Variants in LY75 observed in about 807,000 individuals in gnomAD.
The protein encoded by LY75 is lymphocyte antigen 75, also known as C-type lectin domain family 13 member B.
In LY75, 185 loss-of-function variants were observed where a neutral mutation model predicts 231.7. The observed-to-expected ratio is 0.80, with a 90% confidence interval of 0.71 to 0.90. The LOEUF is 0.90. Among genes scored for constraint, LY75 ranks in the 40% least tolerant of loss-of-function variants. The probability of loss-of-function intolerance (pLI) is 0.00; values close to 1 mark genes in which losing one functional copy is unlikely to be tolerated. For missense variants in LY75, 1,947 were observed against 2,050.2 expected, an observed-to-expected ratio of 0.95 and a Z score of 0.97; for synonymous variants, 668 against 689.0, an observed-to-expected ratio of 0.97 and a Z score of 0.48.
At chr2:159,888,951 A>T (rs1685671722) in intron 4 of LY75, among the ~76,000 whole-genome samples, 1 of 152,226 alleles carries the variant, frequency 6.6e-6, no homozygotes, top group African/African-American at 2.4e-5. Context: ...GAGATAATGT[A>T]TAAAAAGCAT....
intron 27 of LY75, among the ~76,000 whole-genome samples, chr2:159,832,569 C>A (rs1683695979): frequency 1.3e-5 from 2 of 152,028 alleles, no homozygotes; most frequent in African/African-American, 4.8e-5. Context: ...AAAGGGTGTT[C>A]CTCACAAAAT....
Position 159,810,542 on chromosome 2 carries a change from T to C in LY75, c.4683A>G (p.Lys1561=). 6.2e-7 allele frequency: 1 copy of C among 1,611,476 alleles called. No individual in the cohort carries two copies. Among genetic ancestry groups the C allele is most frequent in the Non-Finnish European group, 8.5e-7 (1 of 1,179,134 alleles). Residue 1561 remains lysine (K), a synonymous_variant, in exon 32 of 35, where the codon AAA becomes AAG. Coordinates refer to ENST00000263636, the MANE Select transcript of LY75 (RefSeq NM_002349.4). ...QALHSFSEAK[K]LCSKHDHSAT... ...TTAACTCACCATGTTTTGAACACAATTTTTTGGCCTCTGAAAAACTGTGCA... is the reference window on the plus strand; with the variant it reads ...TTAACTCACCATGTTTTGAACACAACTTTTTGGCCTCTGAAAAACTGTGCA...
chr2:159,805,084 A>G lies in LY75; in HGVS notation c.5129T>C (p.Val1710Ala), dbSNP rs758903294. The G allele has an allele frequency of 3.1e-6, 5 of 1,613,936 alleles. No individual in the cohort carries two copies. The highest frequency in any genetic ancestry group is 2.7e-5 in the African/African-American group (2 of 74,926). The part of the protein sequence containing the change: ...GFSSVRYAQG[V>A]NEDEIMLPSF... ...AGGAAGCATAATCTCATCTTCATTC[A>G]CTCCTTGTGCATATCGAACTGATGA... Residue 1710 changes from valine to alanine, a missense_variant, in exon 35 of 35, where the codon GTG becomes GCG. Val to Ala is a moderately conservative substitution (Grantham distance 64). Transcript: ENST00000263636.
chr2:159,817,191 C>T (rs1311853295), intron 29 of LY75, 159 bp from the exon 30 acceptor site: 4 of 361,676 alleles, frequency 1.1e-5, no homozygotes, highest in Non-Finnish European at 1.5e-5. Context: ...TGGTATGACA[C>T]ATATCTTAGG....
chr2:159,839,746 C>T (rs1364873932), intron 25 of LY75, among the ~76,000 whole-genome samples: 1 of 152,024 alleles, frequency 6.6e-6, no homozygotes, highest in Non-Finnish European at 1.5e-5. Context: ...TGGCTCACAC[C>T]TCTAATCCCA....
chr2:159,817,622 C>A (rs1683159095), intron 29 of LY75, among the ~76,000 whole-genome samples: 1 of 151,872 alleles, frequency 6.6e-6, no homozygotes, highest in African/African-American at 2.4e-5. Flanking sequence ...TAACAATGAA[C>A]CTATACTAGG....
chr2:159,824,041 T>A (rs1282930235), intron 28 of LY75, among the ~76,000 whole-genome samples: 3 of 152,136 alleles, frequency 2.0e-5, no homozygotes, highest in African/African-American at 4.8e-5. Flanking sequence ...CTGCATCAAC[T>A]AACATGCAAA....
At chr2:159,865,016 G>C in intron 13 of LY75, 96 bp from the exon 14 acceptor site, 1 of 1,107,904 alleles carries the variant, frequency 9.0e-7, no homozygotes, top group East Asian at 2.8e-5. Flanking sequence ...GAAAAGCACA[G>C]TTTCAAGCAA....
intron 11 of LY75, among the ~76,000 whole-genome samples, chr2:159,877,015 A>C (rs1574583750): frequency 1.7e-5 from 1 of 57,728 alleles, no homozygotes. Flanking sequence ...ATCTCAAAAA[A>C]AAAAAAAAAA....
chr2:159,817,565 A>G (rs182290630), intron 29 of LY75, among the ~76,000 whole-genome samples: 2 of 152,356 alleles, frequency 1.3e-5, no homozygotes, highest in East Asian at 1.9e-4. Context: ...TAAGCAAAAT[A>G]TTACAGAATG....
rs1236079436 is a variant in LY75, at chr2:159,835,739, T to G, written c.3508-94A>C. On this transcript the variant is annotated intron_variant, in intron 25 of 34. Coordinates refer to ENST00000263636, the MANE Select transcript of LY75 (RefSeq NM_002349.4). ...ATGGTCAATCTAATGATTTTTAATT[T>G]TTTTAATATTTAATACACATTTACA... The G allele has an allele frequency of 2.7e-6, 4 of 1,464,234 alleles. No homozygotes were observed. The East Asian group carries it at 9.9e-5, about 36-fold the overall frequency. The allele number at this position is 1,464,234 out of a possible 1,614,324, so 90.7% of individuals were successfully genotyped here.
In LY75 at chr2:159,839,648, C is replaced by CTTGCTT. The variant is rs537609461; in HGVS notation, c.3507+1080_3507+1081insAAGCAA. Among the ~76,000 whole-genome samples the CTTGCTT allele has an allele frequency of 7.1e-4, 108 of 152,246 alleles. 1 individual carries two copies. The highest frequency in any genetic ancestry group is 2.5e-3 in the African/African-American group (104 of 41,544). Reference sequence around the variant, plus strand: ...TGAACTCCTGGGCTCAAGTTATCCTCTTGCCTCCAGAGTAAATGGGACTAC... The same window carrying CTTGCTT: ...TGAACTCCTGGGCTCAAGTTATCCTCTTGCTTTTGCCTCCAGAGTAAATGGGACTAC... On this transcript the variant is annotated intron_variant, in intron 25 of 34. Coordinates refer to ENST00000263636, the MANE Select transcript of LY75 (RefSeq NM_002349.4).
intron 31 of LY75, 58 bp downstream of exon 31, chr2:159,815,347 T>C (rs552263470): frequency 4.7e-5 from 71 of 1,523,812 alleles, no homozygotes; most frequent in Non-Finnish European, 6.1e-5. Context: ...CTTTTAATTA[T>C]GTGCATAAAT....
At chr2:159,830,556 C>T (rs1251240252) in intron 28 of LY75, among the ~76,000 whole-genome samples, 1 of 150,864 alleles carries the variant, frequency 6.6e-6, no homozygotes, top group African/African-American at 2.4e-5. Context: ...TATTCGAGCC[C>T]ATTGTCAGAC....
chr2:159,809,874 C>T (rs111414050), intron 32 of LY75, among the ~76,000 whole-genome samples: 1 of 151,812 alleles, frequency 6.6e-6, no homozygotes, highest in Admixed American at 6.6e-5. Context: ...GACGAGGGCT[C>T]GCCATGTTGG....
chr2:159,867,011 C>G (rs767153861), intron 13 of LY75, among the ~76,000 whole-genome samples: 2 of 152,126 alleles, frequency 1.3e-5, no homozygotes, highest in Non-Finnish European at 2.9e-5. Context: ...TTAGAAACAT[C>G]TCTGCTTTCA....
chr2:159,890,248 C>T lies in LY75; in HGVS notation c.767G>A (p.Ser256Asn). ...AGTTAATTCAGCAGCACTGTTGATGCTCAGTAAATCAGCTCCTTGATTCTG... is the reference window on the plus strand; with the variant it reads ...AGTTAATTCAGCAGCACTGTTGATGTTCAGTAAATCAGCTCCTTGATTCTG... ...SCQNQGADLL[S>N]INSAAELTYL... Residue 256 changes from serine to asparagine, a missense_variant, in exon 4 of 35, where the codon AGC becomes AAC. Physicochemically the swap from Ser to Asn is conservative, Grantham distance 46. Coordinates refer to ENST00000263636, the MANE Select transcript of LY75 (RefSeq NM_002349.4). 6.2e-7 allele frequency: 1 copy of T among 1,613,412 alleles called. No individual in the cohort carries two copies. The highest frequency in any genetic ancestry group is 1.1e-5 in the South Asian group (1 of 91,064).
intron 23 of LY75, among the ~76,000 whole-genome samples, chr2:159,842,666 T>C (rs1214775598): frequency 6.6e-6 from 1 of 152,174 alleles, no homozygotes; most frequent in Non-Finnish European, 1.5e-5. Flanking sequence ...GACTACAGTA[T>C]AAGCAAAACA....
chr2:159,843,777 A>G (rs760282647), intron 23 of LY75, among the ~76,000 whole-genome samples: 5 of 152,134 alleles, frequency 3.3e-5, no homozygotes, highest in Non-Finnish European at 5.9e-5. Flanking sequence ...TGTATATTTC[A>G]AGACACATAG....
Sources: allele counts gnomAD v4.1 joint callset (sites outside exome capture counted in the v4.1 genomes callset), GRCh38; gene constraint gnomAD v4.1.1; transcripts MANE v1.5; gene names NCBI Gene and HGNC (gene_info 2026-07-23, HGNC 2026-07-21).